Variants in ARMC2 observed in about 807,000 individuals in gnomAD.
ARMC2 encodes the protein armadillo repeat-containing protein 2.
In ARMC2, 67 loss-of-function variants were observed where a neutral mutation model predicts 90.3. That is an observed-to-expected ratio of 0.74 (90% confidence interval 0.61 to 0.91). The LOEUF (loss-of-function observed/expected upper bound fraction) is 0.91, where lower values mean the gene tolerates loss of function less well. Ranked by LOEUF, ARMC2 falls within the 40% of genes least tolerant of loss-of-function variation. The pLI, the probability that ARMC2 is intolerant of heterozygous loss-of-function variation, is 0.00. For missense variants in ARMC2, 920 were observed against 1,030.9 expected (o/e 0.89, Z 1.47); for synonymous variants, 393 against 393.0 (o/e 1.00, Z 0.00).
chr6:108,876,296 A>G lies in ARMC2; in HGVS notation c.617A>G (p.Glu206Gly), dbSNP rs1776927611. The G allele has an allele frequency of 1.2e-6, 2 of 1,612,882 alleles. No homozygotes were observed. Among genetic ancestry groups the G allele is most frequent in the Non-Finnish European group, 1.7e-6 (2 of 1,179,594 alleles). The change falls in exon 5 of 18, where the codon GAG (glutamate) becomes GGG (glycine). Residue 206 changes from glutamate (E) to glycine (G), a missense_variant. Coordinates refer to ENST00000392644, the MANE Select transcript of ARMC2 (RefSeq NM_032131.6). The stretch of plus-strand genomic sequence containing the variant: ...GATGGAGGCTTCAGTGAAATAAAGG[A>G]GCAAGAAATGTTCAAAGGAACAACA... The part of the protein sequence containing the change: ...TDDGGFSEIK[E>G]QEMFKGTTSL...
At chr6:108,961,236 G>GGGATTGGAGATGGCTCC (rs1777979888) in intron 13 of ARMC2, among the ~76,000 whole-genome samples, 1 of 152,176 alleles carries the variant, frequency 6.6e-6, no homozygotes, top group Non-Finnish European at 1.5e-5. Flanking sequence ...GAAAACAGGC[G>GGGATTGGAGATGGCTCC]GGATTGGAGA....
chr6:108,906,998 T>G (rs765147159), intron 8 of ARMC2, among the ~76,000 whole-genome samples: 5 of 152,174 alleles, frequency 3.3e-5, no homozygotes, highest in Non-Finnish European at 7.3e-5. Context: ...AATGTAAGAT[T>G]TTATTATCTT....
At chr6:108,985,921 A>AGTCTT in the ARMC2 span, among the ~76,000 whole-genome samples, 9 of 152,296 alleles carry the variant, frequency 5.9e-5, no homozygotes, top group Non-Finnish European at 1.3e-4. Flanking sequence ...CTAAGGTTAT[A>AGTCTT]GTCTTGTCTT....
the ARMC2 span, among the ~76,000 whole-genome samples, chr6:109,052,848 G>C: frequency 6.6e-6 from 1 of 152,098 alleles, no homozygotes; most frequent in Non-Finnish European, 1.5e-5. Context: ...ATTTATTGTT[G>C]ACTTAATCCA....
In ARMC2 at chr6:108,953,253, A is replaced by G. The variant is rs953937257; in HGVS notation, c.1817A>G (p.Lys606Arg). The G allele has an allele frequency of 6.2e-7, 1 of 1,613,446 alleles. No individual in the cohort carries two copies. Among genetic ancestry groups the G allele is most frequent in the Non-Finnish European group, 8.5e-7 (1 of 1,179,906 alleles). Residue 606 changes from lysine (K) to arginine (R), a missense_variant, in exon 13 of 18, where the codon AAG (lysine) becomes AGG (arginine). By Grantham distance (26) the Lys-to-Arg change is conservative. Coordinates refer to ENST00000392644, the MANE Select transcript of ARMC2 (RefSeq NM_032131.6). ...PPSEAEDVLI[K>R]LTRVLANIAI... ...TCAGAGGCAGAGGACGTGCTCATCA[A>G]GCTGACTCGTGTGCTGGCCAACATT...
chr6:108,898,370 G>A (rs189122621), intron 6 of ARMC2, among the ~76,000 whole-genome samples: 94 of 152,238 alleles, frequency 6.2e-4, no homozygotes, highest in Middle Eastern at 3.4e-3. Flanking sequence ...GGCATCTTCT[G>A]TGTGGACACT....
At chr6:108,961,014 G>T (rs1453817563) in intron 13 of ARMC2, among the ~76,000 whole-genome samples, 1 of 152,200 alleles carries the variant, frequency 6.6e-6, no homozygotes, top group Admixed American at 6.5e-5. Flanking sequence ...GGATAACTGT[G>T]TTGAGAATAG....
chr6:108,988,715 A>G, the ARMC2 span: 1 of 1,552,238 alleles, frequency 6.4e-7, no homozygotes, highest in Non-Finnish European at 8.8e-7. Flanking sequence ...GAGAATTATG[A>G]TATTTTCAGT....
intron 10 of ARMC2, among the ~76,000 whole-genome samples, chr6:108,914,753 A>G (rs1054555138): frequency 2.0e-5 from 3 of 152,166 alleles, no homozygotes; most frequent in African/African-American, 7.2e-5. Context: ...GCTGTTTTGT[A>G]TCATACAAAT....
At chr6:109,017,548 G>GT in the ARMC2 span, among the ~76,000 whole-genome samples, 1 of 152,164 alleles carries the variant, frequency 6.6e-6, no homozygotes, top group Non-Finnish European at 1.5e-5. Context: ...GCCTCCCAAA[G>GT]TGCTGGGATT....
intron 5 of ARMC2, chr6:108,879,857 C>T (rs1777346434): frequency 2.2e-6 from 1 of 458,310 alleles, no homozygotes; most frequent in Non-Finnish European, 4.5e-6. Flanking sequence ...TATCTTAACA[C>T]TTTCAGGGGC....
At chr6:108,879,137 C>T (rs1345773326) in intron 5 of ARMC2, among the ~76,000 whole-genome samples, 1 of 151,296 alleles carries the variant, frequency 6.6e-6, no homozygotes, top group Non-Finnish European at 1.5e-5. Context: ...TCCATCCGCT[C>T]ATCTATATAT....
chr6:108,890,407 C>T (rs1370487417), intron 5 of ARMC2, among the ~76,000 whole-genome samples: 1 of 151,742 alleles, frequency 6.6e-6, no homozygotes, highest in East Asian at 1.9e-4. Context: ...GTGTACTAAG[C>T]AGAGTCATTG....
At chr6:108,860,004 TA>T (rs140061937) in intron 3 of ARMC2, among the ~76,000 whole-genome samples, 39,879 of 135,740 alleles carry the variant, frequency 0.29, 5,876 homozygotes, top group African/African-American at 0.43. Flanking sequence ...AACTCTGTCT[TA>T]AAAAAAAAAA....
rs1463972411 is a variant in ARMC2 at position 108,961,556 on chromosome 6, C to T, written c.1916-16C>T. 7 of 1,595,914 alleles carry T rather than the reference C, an allele frequency of 4.4e-6. No homozygotes were observed. The highest frequency in any genetic ancestry group is 3.5e-4 in the Middle Eastern group (2 of 5,774). ...TGCAGTGGGTCTTTGACTCCCTTAT[C>T]CTTACTTCATTTCAGAATACAAGTC... On this transcript the variant is annotated splice_polypyrimidine_tract_variant and intron_variant, in intron 13 of 17. Transcript: ENST00000392644.
Position 108,902,056 on chromosome 6 carries a change from C to T in ARMC2, c.848-2174C>T, listed in dbSNP as rs115397829. Reference sequence around the variant, plus strand: ...TACACGATGCTGATGCATTCTGTTGCTGGTCGTGTCCCACAGCTGTACCCA... The same window carrying T: ...TACACGATGCTGATGCATTCTGTTGTTGGTCGTGTCCCACAGCTGTACCCA... On this transcript the variant is annotated intron_variant, in intron 7 of 17. Transcript: ENST00000392644. 4.2e-3 allele frequency among the ~76,000 whole-genome samples: 646 copies of T among 152,308 alleles called. 5 individuals are homozygous for T. Among genetic ancestry groups the T allele is most frequent in the African/African-American group, 0.015 (628 of 41,572 alleles).
At chr6:109,039,165 GAAGA>G in the ARMC2 span, among the ~76,000 whole-genome samples, 4 of 151,436 alleles carry the variant, frequency 2.6e-5, no homozygotes, top group South Asian at 2.1e-4. Context: ...AGGAGGAGGA[GAAGA>G]AAGAAGAAGA....
chr6:108,978,383 T>C (rs954110220), downstream of ARMC2, among the ~76,000 whole-genome samples: 1 of 152,196 alleles, frequency 6.6e-6, no homozygotes, highest in African/African-American at 2.4e-5. Flanking sequence ...TTTCTGTTCT[T>C]TTCCATCTGC....
rs1320282491 is a variant in ARMC2, at chr6:108,973,394, C to T, written c.2484C>T (p.Asp828=). 6.2e-7 allele frequency: 1 copy of T among 1,613,536 alleles called. No individual in the cohort carries two copies. Among genetic ancestry groups the T allele is most frequent in the Non-Finnish European group, 8.5e-7 (1 of 1,179,584 alleles). ...ELALDGSFDP[D]LKNYHKLHWE... ...CACTGGATGGCAGTTTTGATCCAGA[C>T]CTAAAAAACTATCACAAACTCCATT... Residue 828 remains aspartate, a synonymous_variant, in exon 18 of 18, where the codon GAC becomes GAT. Transcript: ENST00000392644.
Sources: gnomAD v4.1 joint callset for allele counts (sites outside exome capture counted in the v4.1 genomes callset) on GRCh38, gnomAD v4.1.1 for gene constraint, MANE v1.5 for transcripts, NCBI Gene and HGNC (gene_info 2026-07-23, HGNC 2026-07-21) for gene names.